NRK: variants seen among roughly 807,000 people sequenced by gnomAD.
NRK encodes the protein Nik related kinase.
A neutral mutation model predicts 125.2 loss-of-function variants in NRK; 67 were observed. That is an observed-to-expected ratio of 0.54 (90% CI 0.44 to 0.66). The LOEUF (loss-of-function observed/expected upper bound fraction) is 0.66. Among genes scored for constraint, NRK ranks in the 30% least tolerant of loss-of-function variants. NRK has a pLI of 0.00. For synonymous variants in NRK, 458 were observed against 429.0 expected (o/e 1.07, Z -0.84); for missense variants, 1,224 against 1,192.9 (o/e 1.03, Z -0.38).
At position 105,898,737 on chromosome X, in the gene NRK, T is replaced by C. The variant is rs369657296; in HGVS notation, c.711+23T>C. 4.3e-5 allele frequency: 48 copies of C among 1,104,274 alleles called. No individual in the cohort carries two copies. In the African/African-American group the frequency reaches 7.7e-4, roughly 18 times the overall value. 91.0% of individuals were successfully genotyped at this position (1,104,274 alleles called of 1,213,427 possible). On this transcript the variant is annotated intron_variant, in intron 8 of 28. Transcript: ENST00000243300. Reference sequence around the variant, plus strand: ...AGAGTGAGTGTGAGAATTCAGCCAGTGGAAATTACAATTTGGAAAGGATTT... The same window carrying C: ...AGAGTGAGTGTGAGAATTCAGCCAGCGGAAATTACAATTTGGAAAGGATTT...
At chrX:105,877,203 A>G (rs1406298181) in intron 2 of NRK, among the ~76,000 whole-genome samples, 1 of 111,414 alleles carries the variant, frequency 9.0e-6, no homozygotes, top group African/African-American at 3.3e-5. Flanking sequence ...GCCAAACCCA[A>G]GTTGAGGGAT....
At chrX:105,869,656 C>T (rs762049575) in intron 2 of NRK, among the ~76,000 whole-genome samples, 13 of 111,668 alleles carry the variant, frequency 1.2e-4, no homozygotes, top group Non-Finnish European at 1.7e-4. Flanking sequence ...ATATTAAGGG[C>T]TGTTGTGTTT....
chrX:105,828,683 A>G (rs1282795390), intron 1 of NRK, among the ~76,000 whole-genome samples: 1 of 111,897 alleles, frequency 8.9e-6, no homozygotes, highest in Non-Finnish European at 1.9e-5. Context: ...AAATCCCTCA[A>G]TGATATCCAT....
At chrX:105,938,305 A>T (rs771448508) in intron 22 of NRK, among the ~76,000 whole-genome samples, 1 of 111,703 alleles carries the variant, frequency 9.0e-6, no homozygotes, top group Non-Finnish European at 1.9e-5. Context: ...ATATGAGTTT[A>T]TGTATTTTAT....
In NRK at chrX:105,946,146, A is replaced by T; in HGVS notation, c.4203+131A>T. ...ACATAATTATTTCTTTGTTGTAATA[A>T]CAGGTCTAAGAAAAACTGTAATACA... is the stretch of plus-strand genomic sequence containing the variant. On this transcript the variant is annotated intron_variant, in intron 25 of 28. Coordinates refer to ENST00000243300, the MANE Select transcript of NRK (RefSeq NM_198465.4). The T allele has an allele frequency of 3.8e-6, 3 of 799,873 alleles. No individual in the cohort carries two copies. The East Asian group carries it at 1.0e-4, about 27-fold the overall frequency. 65.9% of individuals were successfully genotyped at this position (799,873 alleles called of 1,213,427 possible). A position where few individuals can be genotyped will look rare whatever the true frequency, so the allele number is the denominator to read the frequency against.
chrX:105,945,758 C>A, intron 24 of NRK, 114 bp from the exon 25 acceptor site: 1 of 601,864 alleles, frequency 1.7e-6, no homozygotes, highest in Non-Finnish European at 2.7e-6. Context: ...GTGATCTGAT[C>A]TTGGCAATGA....
rs5962601 is a variant in NRK at position 105,935,567 on chromosome X, G to A, written c.3655+242G>A. On this transcript the variant is annotated intron_variant, in intron 21 of 28. Coordinates refer to ENST00000243300, the MANE Select transcript of NRK (RefSeq NM_198465.4). The stretch of plus-strand genomic sequence containing the variant: ...TAAACCTGAGTTAACTTGGATGGCA[G>A]GTGGATCACGAGGTCAGGAGTTGAG... 0.19 allele frequency among the ~76,000 whole-genome samples: 20,928 copies of A among 107,878 alleles called. 1,547 individuals are homozygous for A. Among genetic ancestry groups the A allele is most frequent in the Middle Eastern group, 0.3 (61 of 202 alleles). The allele number at this position is 107,878 out of a possible 115,157, so 93.7% of individuals were successfully genotyped here. A position where few individuals can be genotyped will look rare whatever the true frequency, so the allele number is the denominator to read the frequency against.
At chrX:105,851,722 T>G (rs1297188291) in intron 2 of NRK, among the ~76,000 whole-genome samples, 1 of 110,717 alleles carries the variant, frequency 9.0e-6, no homozygotes, top group Non-Finnish European at 1.9e-5. Context: ...GTAGCACCTC[T>G]GTAAAAGGAG....
At position 105,934,346 on chromosome X, in the gene NRK, T is replaced by C; in HGVS notation, c.3401T>C (p.Ile1134Thr). The C allele has an allele frequency of 8.4e-7, 1 of 1,194,608 alleles. No individual in the cohort carries two copies. Among genetic ancestry groups the C allele is most frequent in the Admixed American group, 2.2e-5 (1 of 45,842 alleles). ...APDHESDNKD[I>T]SESSTQSDFS... ...GATCATGAGAGTGACAATAAGGACATATCAGAATCATCAACACAATCAGAT... is the reference window on the plus strand; with the variant it reads ...GATCATGAGAGTGACAATAAGGACACATCAGAATCATCAACACAATCAGAT... The change falls in exon 20 of 29, where the codon ATA becomes ACA. Residue 1134 changes from isoleucine to threonine, a missense_variant. Coordinates refer to ENST00000243300, the MANE Select transcript of NRK (RefSeq NM_198465.4).
intron 9 of NRK, among the ~76,000 whole-genome samples, chrX:105,903,972 A>G (rs941875797): frequency 8.9e-6 from 1 of 112,203 alleles, no homozygotes; most frequent in South Asian, 3.7e-4. Context: ...TGCATCTTCT[A>G]TTAATTTATA....
At chrX:105,897,410 C>T (rs755843272) in intron 7 of NRK, among the ~76,000 whole-genome samples, 2 of 112,213 alleles carry the variant, frequency 1.8e-5, no homozygotes, top group East Asian at 5.6e-4. Context: ...GCTCGATAAT[C>T]TTCATATTCC....
chrX:105,938,526 T>G (rs2040694542), intron 22 of NRK, among the ~76,000 whole-genome samples: 1 of 111,833 alleles, frequency 8.9e-6, no homozygotes, highest in Non-Finnish European at 1.9e-5. Flanking sequence ...GTAATATTTA[T>G]TTTTTGAAAA....
chrX:105,905,041 A>G (rs1005299056), intron 9 of NRK, among the ~76,000 whole-genome samples: 12 of 112,574 alleles, frequency 1.1e-4, no homozygotes, highest in African/African-American at 3.9e-4. Context: ...TTATTAATTT[A>G]TCCTACTTGG....
chrX:105,918,403 A>G (rs931106349), intron 16 of NRK, among the ~76,000 whole-genome samples: 10 of 111,298 alleles, frequency 9.0e-5, no homozygotes, highest in Non-Finnish European at 1.7e-4. Context: ...GTAAAAATAT[A>G]GTATACTGAT....
At chrX:105,838,530 A>T (rs1660441825) in intron 2 of NRK, among the ~76,000 whole-genome samples, 1 of 111,250 alleles carries the variant, frequency 9.0e-6, no homozygotes, top group Non-Finnish European at 1.9e-5. Flanking sequence ...TACCATTTGC[A>T]GGTGGTGAGG....
intron 1 of NRK, among the ~76,000 whole-genome samples, chrX:105,824,061 T>C (rs1307169504): frequency 8.9e-6 from 1 of 112,352 alleles, no homozygotes; most frequent in Non-Finnish European, 1.9e-5. Context: ...AAGCCTTCCC[T>C]ATATAATTTT....
At chrX:105,858,300 A>G (rs763073537) in intron 2 of NRK, among the ~76,000 whole-genome samples, 1 of 110,303 alleles carries the variant, frequency 9.1e-6, no homozygotes, top group African/African-American at 3.3e-5. Context: ...AACTCATAGA[A>G]ATGCACACTA....
At chrX:105,890,186 C>T (rs907127574) in intron 5 of NRK, among the ~76,000 whole-genome samples, 1 of 111,752 alleles carries the variant, frequency 8.9e-6, no homozygotes, top group African/African-American at 3.3e-5. Context: ...AGTCTCTTTG[C>T]TTAAACATAA....
chrX:105,901,482 G>A (rs2040156324), intron 9 of NRK, among the ~76,000 whole-genome samples: 1 of 111,341 alleles, frequency 9.0e-6, no homozygotes, highest in Non-Finnish European at 1.9e-5. Context: ...GGTATGGGGA[G>A]GGTTGCTTTG....
Sources: allele counts gnomAD v4.1 joint callset (sites outside exome capture counted in the v4.1 genomes callset), GRCh38; gene constraint gnomAD v4.1.1; transcripts MANE v1.5; gene names NCBI Gene and HGNC (gene_info 2026-07-23, HGNC 2026-07-21).